Variants in MBNL3 observed in about 807,000 individuals in gnomAD.
MBNL3 encodes muscleblind-like protein 3.
MBNL3 carries 6 observed loss-of-function variants against 24.5 expected under a neutral mutation model. That is an observed-to-expected ratio of 0.25 (90% CI 0.13 to 0.48). The LOEUF is 0.48. Among genes scored for constraint, MBNL3 ranks in the 20% least tolerant of loss-of-function variants. The pLI, the probability that MBNL3 is intolerant of heterozygous loss-of-function variation, is 0.99. For synonymous variants in MBNL3, 100 were observed against 101.7 expected (o/e 0.98, Z 0.10); for missense variants, 230 against 293.5 (o/e 0.78, Z 1.58).
intron 2 of MBNL3, among the ~76,000 whole-genome samples, chrX:132,434,101 T>C (rs1030653569): frequency 3.6e-5 from 4 of 112,233 alleles, no homozygotes; most frequent in South Asian, 3.7e-4. Flanking sequence ...TGAGAATGTC[T>C]GCACCATGGA....
chrX:132,390,059 G>A (rs1936847654), intron 5 of MBNL3, among the ~76,000 whole-genome samples: 1 of 107,945 alleles, frequency 9.3e-6, no homozygotes, highest in Admixed American at 1.0e-4. Flanking sequence ...CAGAAGCAGT[G>A]GTGCACGCCT....
chrX:132,475,397 A>G (rs1426020580), intron 1 of MBNL3, among the ~76,000 whole-genome samples: 2 of 112,213 alleles, frequency 1.8e-5, no homozygotes, highest in Non-Finnish European at 3.8e-5. Context: ...TGGTTCCCAA[A>G]TGATGAAGCA....
chrX:132,478,835 T>C (rs780393712), intron 1 of MBNL3, among the ~76,000 whole-genome samples: 11 of 112,747 alleles, frequency 9.8e-5, no homozygotes, highest in African/African-American at 3.5e-4. Context: ...TGGCTCCAAA[T>C]ACAGTAGAGT....
intron 3 of MBNL3, among the ~76,000 whole-genome samples, chrX:132,399,878 A>G (rs1313653168): frequency 2.7e-5 from 3 of 110,091 alleles, no homozygotes; most frequent in Non-Finnish European, 5.7e-5. Flanking sequence ...ACAGCAAGCA[A>G]TCTCAAGGTA....
At chrX:132,449,790 C>T (rs1302819426) in intron 1 of MBNL3, among the ~76,000 whole-genome samples, 3 of 110,542 alleles carry the variant, frequency 2.7e-5, no homozygotes, top group African/African-American at 6.6e-5. Flanking sequence ...TGGCTGGTAC[C>T]GGTTTTTCCT....
intron 2 of MBNL3, among the ~76,000 whole-genome samples, chrX:132,434,020 C>T (rs953412950): frequency 8.9e-6 from 1 of 112,384 alleles, no homozygotes; most frequent in Non-Finnish European, 1.9e-5. Flanking sequence ...GCACCCTTTC[C>T]TCACACCTGA....
intron 2 of MBNL3, among the ~76,000 whole-genome samples, chrX:132,433,804 C>T (rs1349830715): frequency 9.0e-6 from 1 of 110,953 alleles, no homozygotes; most frequent in South Asian, 3.9e-4. Flanking sequence ...GGCTCTGCTC[C>T]AGCCACGCTG....
At chrX:132,465,347 T>C (rs953189972) in intron 1 of MBNL3, among the ~76,000 whole-genome samples, 3 of 112,017 alleles carry the variant, frequency 2.7e-5, no homozygotes, top group African/African-American at 9.7e-5. Context: ...AAAGCTAAAC[T>C]TAACTTTAAA....
At chrX:132,407,500 T>G (rs757470214) in intron 2 of MBNL3, among the ~76,000 whole-genome samples, 1 of 112,595 alleles carries the variant, frequency 8.9e-6, no homozygotes, top group Non-Finnish European at 1.9e-5. Context: ...ATCTTAGTTT[T>G]ATGTACTTTT....
At chrX:132,436,555 TA>T (rs1288401529) in intron 2 of MBNL3, among the ~76,000 whole-genome samples, 4 of 112,122 alleles carry the variant, frequency 3.6e-5, no homozygotes, top group African/African-American at 1.3e-4. Context: ...TTCAGTTATT[TA>T]ATCACTCATG....
intron 3 of MBNL3, among the ~76,000 whole-genome samples, chrX:132,396,570 A>ATATATATTCC (rs1201776482): frequency 2.8e-5 from 1 of 35,501 alleles, no homozygotes; most frequent in African/African-American, 2.3e-4. Context: ...ATATATTCCT[A>ATATATATTCC]TATATATTCC....
rs1027395276 is a variant in MBNL3, at chrX:132,417,862, G to A, written c.178-11470C>T. 3.6e-5 allele frequency among the ~76,000 whole-genome samples: 4 copies of A among 111,755 alleles called. No individual in the cohort carries two copies. In the Admixed American group the frequency reaches 3.8e-4, roughly 11 times the overall value. On this transcript the variant is annotated intron_variant, in intron 2 of 8. Transcript: ENST00000370853. ...AAGATTTTGACAAAGTGGATAGAGC[G>A]AAAGAAACTAGGTAGTGTAAAACAT...
At chrX:132,486,272 C>T (rs931147860) in intron 1 of MBNL3, among the ~76,000 whole-genome samples, 4 of 112,032 alleles carry the variant, frequency 3.6e-5, no homozygotes, top group Admixed American at 1.9e-4. Flanking sequence ...CTCCCCTCGT[C>T]CCTCACACAT....
chrX:132,429,745 C>G (rs1944583448), intron 2 of MBNL3: 1 of 111,815 alleles, frequency 8.9e-6, no homozygotes, highest in South Asian at 3.7e-4. Context: ...GTGATAAGAG[C>G]TGGATGCTTT....
rs761444583 is a variant in MBNL3 at position 132,481,923 on chromosome X, C to G, written c.-704+6928G>C. 2.7e-5 allele frequency among the ~76,000 whole-genome samples: 3 copies of G among 111,927 alleles called. No homozygotes were observed. The East Asian group carries it at 8.4e-4, about 31-fold the overall frequency. Reference sequence around the variant, plus strand: ...ACTTGCGAGTCAGTCAAAAGTCCCACCAAAACATGGATAAACCTGGAGGAC... The same window carrying G: ...ACTTGCGAGTCAGTCAAAAGTCCCAGCAAAACATGGATAAACCTGGAGGAC... On this transcript the variant is annotated intron_variant, in intron 1 of 8. Transcript: ENST00000370853.
chrX:132,478,555 G>A (rs145046866), intron 1 of MBNL3, among the ~76,000 whole-genome samples: 3,234 of 111,718 alleles, frequency 0.029, 116 homozygotes, highest in African/African-American at 0.1. Context: ...CCTTTCTGAC[G>A]GCAACAAATA....
At chrX:132,455,042 T>C (rs1456337230) in intron 1 of MBNL3, among the ~76,000 whole-genome samples, 2 of 112,468 alleles carry the variant, frequency 1.8e-5, no homozygotes, top group African/African-American at 3.2e-5. Context: ...CATCTTTTAA[T>C]TGAATGTTGG....
Position 132,467,747 on chromosome X carries a change from T to A in MBNL3, c.-704+21104A>T, listed in dbSNP as rs1946965743. 2.7e-5 allele frequency among the ~76,000 whole-genome samples: 3 copies of A among 111,922 alleles called. No individual in the cohort carries two copies. In the Admixed American group the frequency reaches 2.8e-4, roughly 11 times the overall value. ...AGGCTTCTGTTTTTCTGTGCCAAAC[T>A]AGCTCCATCGCTCTTTTAGGCCATT... On this transcript the variant is annotated intron_variant, in intron 1 of 8. Transcript: ENST00000370853.
At chrX:132,409,056 G>A (rs1414970181) in intron 2 of MBNL3, among the ~76,000 whole-genome samples, 4 of 111,879 alleles carry the variant, frequency 3.6e-5, no homozygotes, top group African/African-American at 6.5e-5. Context: ...TATATTATCC[G>A]TGCAATACAA....
Sources: gnomAD v4.1 joint callset for allele counts (sites outside exome capture counted in the v4.1 genomes callset) on GRCh38, gnomAD v4.1.1 for gene constraint, MANE v1.5 for transcripts, NCBI Gene and HGNC (gene_info 2026-07-23, HGNC 2026-07-21) for gene names.